The following MSI2 variants were observed in gnomAD, a reference collection of about 807,000 sequenced individuals.
MSI2 encodes the protein musashi RNA binding protein 2.
A neutral mutation model predicts 45.6 loss-of-function variants in MSI2; 17 were observed. That is an observed-to-expected ratio of 0.37 (90% confidence interval 0.26 to 0.56). The LOEUF (loss-of-function observed/expected upper bound fraction) is 0.56. Among genes scored for constraint, MSI2 ranks in the 20% least tolerant of loss-of-function variants. The pLI, the probability that MSI2 is intolerant of heterozygous loss-of-function variation, is 0.77. For missense variants in MSI2, 293 were observed against 444.2 expected (o/e 0.66, Z 3.06); for synonymous variants, 156 against 158.2 (o/e 0.99, Z 0.11).
chr17:57,542,049 G>A (rs1367005085), intron 7 of MSI2, among the ~76,000 whole-genome samples: 3 of 152,078 alleles, frequency 2.0e-5, no homozygotes, highest in Admixed American at 6.5e-5. Flanking sequence ...GCTTTCCACT[G>A]CCGCTGGAGG....
chr17:57,411,882 T>C (rs1379182224), intron 6 of MSI2, among the ~76,000 whole-genome samples: 1 of 151,728 alleles, frequency 6.6e-6, no homozygotes, highest in Non-Finnish European at 1.5e-5. Flanking sequence ...TGGCGGGCGC[T>C]TGTAATCCCA....
intron 5 of MSI2, chr17:57,267,003 A>C (rs149767893): frequency 3.3e-5 from 5 of 152,476 alleles, no homozygotes; most frequent in African/African-American, 1.2e-4. Context: ...GAGCGTGTAC[A>C]CGCACACCTC....
At chr17:57,458,632 T>A (rs922465472) in intron 6 of MSI2, among the ~76,000 whole-genome samples, 1 of 152,186 alleles carries the variant, frequency 6.6e-6, no homozygotes, top group African/African-American at 2.4e-5. Context: ...TCTCCAGCTC[T>A]AATACTCTCT....
intron 8 of MSI2, among the ~76,000 whole-genome samples, chr17:57,605,165 G>T (rs747664754): frequency 3.3e-5 from 5 of 152,222 alleles, no homozygotes; most frequent in Admixed American, 6.5e-5. Flanking sequence ...TTTAATAAAT[G>T]AATCTGGTGT....
chr17:57,297,486 A>G (rs1206390656), intron 5 of MSI2, among the ~76,000 whole-genome samples: 1 of 152,216 alleles, frequency 6.6e-6, no homozygotes, highest in Non-Finnish European at 1.5e-5. Context: ...TTAGCAAGTC[A>G]TAGTCTTTTT....
At chr17:57,697,341 TCA>T in the MSI2 span, among the ~76,000 whole-genome samples, 1 of 151,662 alleles carries the variant, frequency 6.6e-6, no homozygotes, top group African/African-American at 2.4e-5. Context: ...CTCAGCCCTC[TCA>T]CTCACACCCA....
chr17:57,610,476 G>C lies in MSI2; in HGVS notation c.538-5494G>C, dbSNP rs1907149740. Among the ~76,000 whole-genome samples the C allele has an allele frequency of 7.0e-5, 2 of 28,646 alleles. 1 individual carries two copies. Among genetic ancestry groups the C allele is most frequent in the Non-Finnish European group, 2.1e-4 (2 of 9,388 alleles). The allele number at this position is 28,646 out of a possible 152,430, so 18.8% of individuals were successfully genotyped here. ...AAAAAAAAAAAAAATTCTACATATAGAGGGCTCAGGAGTGTGTGCAAATGA... is the reference window on the plus strand; with the variant it reads ...AAAAAAAAAAAAAATTCTACATATACAGGGCTCAGGAGTGTGTGCAAATGA... On this transcript the variant is annotated intron_variant, in intron 8 of 13. Transcript: ENST00000284073.
chr17:57,548,918 C>CA lies in MSI2; in HGVS notation c.454+19202dup, dbSNP rs1167756082. Among the ~76,000 whole-genome samples the CA allele has an allele frequency of 4.5e-4, 61 of 136,656 alleles. No individual in the cohort carries two copies. The East Asian group carries it at 0.011, about 24-fold the overall frequency. The allele number at this position is 136,656 out of a possible 152,430, so 89.7% of individuals were successfully genotyped here. ...ACCCTTCCCCCCCCCACCCCCCCGC[C>CA]AAAAAAAATCATCTCCCACTGAAAA... On this transcript the variant is annotated intron_variant, in intron 7 of 13. Transcript: ENST00000284073.
chr17:57,419,050 G>A (rs566494022), intron 6 of MSI2, among the ~76,000 whole-genome samples: 46 of 152,284 alleles, frequency 3.0e-4, no homozygotes, highest in Admixed American at 1.0e-3. Flanking sequence ...AGTATGAAAT[G>A]TAATTTACAC....
rs1212503910 is a variant in MSI2, at chr17:57,652,018, T to G, written c.728-81T>G. 1.8e-5 allele frequency: 24 copies of G among 1,301,528 alleles called. No individual in the cohort carries two copies. The highest frequency in any genetic ancestry group is 2.7e-5 in the Non-Finnish European group (24 of 898,386). 80.6% of individuals were successfully genotyped at this position (1,301,528 alleles called of 1,614,324 possible). ...CTGTCTTTGTGTGGAGGGCGGGGGGTTGTGTGGCCCGTGACCTAGGTCTGT... is the reference window on the plus strand; with the variant it reads ...CTGTCTTTGTGTGGAGGGCGGGGGGGTGTGTGGCCCGTGACCTAGGTCTGT... On this transcript the variant is annotated intron_variant, in intron 10 of 13. Coordinates refer to ENST00000284073, the MANE Select transcript of MSI2 (RefSeq NM_138962.4). The surrounding 1 kb of genome is among the most constrained non-coding windows in gnomAD (Gnocchi z 4.1).
intron 5 of MSI2, among the ~76,000 whole-genome samples, chr17:57,391,610 A>G (rs1465537938): frequency 2.6e-5 from 4 of 152,116 alleles, no homozygotes; most frequent in African/African-American, 4.8e-5. Context: ...TCATCTGTGC[A>G]TCTTCAGAAG....
rs190669189 is a variant in MSI2, at chr17:57,293,800, G to A, written c.312+31608G>A. Reference sequence around the variant, plus strand: ...ATTTTGTATTTTTAGTAGAGATGGGGTTTCTCCATGTTGGTCAGGCTGGTC... The same window carrying A: ...ATTTTGTATTTTTAGTAGAGATGGGATTTCTCCATGTTGGTCAGGCTGGTC... On this transcript the variant is annotated intron_variant, in intron 5 of 13. Transcript: ENST00000284073. 5.4e-3 allele frequency among the ~76,000 whole-genome samples: 813 copies of A among 151,344 alleles called. 5 individuals are homozygous for A. Among genetic ancestry groups the A allele is most frequent in the African/African-American group, 0.019 (781 of 41,216 alleles).
At chr17:57,345,887 C>T (rs2143814025) in intron 5 of MSI2, among the ~76,000 whole-genome samples, 1 of 151,674 alleles carries the variant, frequency 6.6e-6, no homozygotes, top group East Asian at 1.9e-4. Flanking sequence ...CCTTACTGTC[C>T]TTTTTCTGTT....
chr17:57,259,363 TC>T (rs1244923134), intron 4 of MSI2, among the ~76,000 whole-genome samples: 2 of 152,184 alleles, frequency 1.3e-5, no homozygotes, highest in Admixed American at 1.3e-4. Context: ...AGCAAGACAT[TC>T]CCTACCTCTG....
At chr17:57,655,205 A>G (rs1567962417) in intron 11 of MSI2, among the ~76,000 whole-genome samples, 1 of 152,130 alleles carries the variant, frequency 6.6e-6, no homozygotes, top group Non-Finnish European at 1.5e-5. Flanking sequence ...GCCGACTCCT[A>G]GATAACTTCA....
chr17:57,495,145 G>A (rs566986069), intron 6 of MSI2, among the ~76,000 whole-genome samples: 1 of 152,258 alleles, frequency 6.6e-6, no homozygotes, highest in East Asian at 1.9e-4. Context: ...AAGAAAGGGA[G>A]GCCCAGCAAG....
intron 9 of MSI2, among the ~76,000 whole-genome samples, chr17:57,617,543 T>C (rs989743278): frequency 6.6e-6 from 1 of 152,238 alleles, no homozygotes; most frequent in Non-Finnish European, 1.5e-5. Context: ...CACTACAAGA[T>C]AATTCCTTAG....
At chr17:57,338,957 A>G (rs560121609) in intron 5 of MSI2, among the ~76,000 whole-genome samples, 1 of 152,216 alleles carries the variant, frequency 6.6e-6, no homozygotes, top group Non-Finnish European at 1.5e-5. Context: ...TTCCAGATCA[A>G]TTTGGCTTGT....
chr17:57,264,343 G>T (rs1489955636), intron 5 of MSI2: 2 of 151,966 alleles, frequency 1.3e-5, no homozygotes, highest in Non-Finnish European at 2.9e-5. Context: ...GACGTTGCAT[G>T]GTAATGCCAT....
Sources: gnomAD v4.1 joint callset for allele counts (sites outside exome capture counted in the v4.1 genomes callset) on GRCh38, gnomAD v4.1.1 for gene constraint, Gnocchi (gnomAD v3.1) non-coding constraint, MANE v1.5 for transcripts, NCBI Gene and HGNC (gene_info 2026-07-23, HGNC 2026-07-21) for gene names.